RHBDF2: variants seen among roughly 807,000 people sequenced by gnomAD.
RHBDF2 encodes rhomboid 5 homolog 2, also known as inactive rhomboid protein 2.
A neutral mutation model predicts 95.2 loss-of-function variants in RHBDF2; 38 were observed. The observed-to-expected ratio is 0.40, with a 90% CI of 0.31 to 0.52. The LOEUF (loss-of-function observed/expected upper bound fraction) is 0.52. Ranked by LOEUF, RHBDF2 falls within the 20% of genes least tolerant of loss-of-function variation. RHBDF2 has a pLI of 0.56. For missense variants in RHBDF2, 863 were observed against 1,137.7 expected (o/e 0.76, Z 3.47); for synonymous variants, 442 against 462.0 (o/e 0.96, Z 0.55).
chr17:76,479,912 G>T lies in RHBDF2; in HGVS notation c.151-58C>A. 6.3e-7 allele frequency: 1 copy of T among 1,596,368 alleles called. No individual in the cohort carries two copies. Among genetic ancestry groups the T allele is most frequent in the Non-Finnish European group, 8.5e-7 (1 of 1,171,126 alleles). ...TGTGTGCAGCCCAGGTCCTGGGCTG[G>T]CTTTTCTTTAGCCTCCTATTCTGAA... On this transcript the variant is annotated intron_variant, in intron 3 of 18. Transcript: ENST00000675367.
At chr17:76,486,689 G>A (rs148087947) in intron 2 of RHBDF2, among the ~76,000 whole-genome samples, 1,152 of 88,334 alleles carry the variant, frequency 0.013, 41 homozygotes, top group Admixed American at 0.08. Context: ...ACTCCAGCCT[G>A]GGTAACAGAG....
At chr17:76,484,228 A>G (rs2074055290) in intron 2 of RHBDF2, among the ~76,000 whole-genome samples, 1 of 151,990 alleles carries the variant, frequency 6.6e-6, no homozygotes, top group Non-Finnish European at 1.5e-5. Flanking sequence ...GCACCATTGC[A>G]CTCCAGCCTG....
intron 1 of RHBDF2, among the ~76,000 whole-genome samples, chr17:76,500,569 C>G (rs2074553634): frequency 6.6e-6 from 1 of 152,166 alleles, no homozygotes; most frequent in South Asian, 2.1e-4. Flanking sequence ...CAGACACACC[C>G]GCTGCCACCC....
Position 76,497,622 on chromosome 17 carries a change from G to A in RHBDF2, c.-220+3731C>T, listed in dbSNP as rs114311354. ...AACACCATTATCACGATGGCTCCCCGCACTGCTCCTGCCATGGCCGGGCAC... is the reference window on the plus strand; with the variant it reads ...AACACCATTATCACGATGGCTCCCCACACTGCTCCTGCCATGGCCGGGCAC... On this transcript the variant is annotated intron_variant, in intron 1 of 18. Coordinates refer to ENST00000675367, the MANE Select transcript of RHBDF2 (RefSeq NM_001005498.4). Among the ~76,000 whole-genome samples, 546 of 152,252 alleles carry A rather than the reference G, an allele frequency of 3.6e-3. 4 individuals are homozygous for A. Among genetic ancestry groups the A allele is most frequent in the African/African-American group, 0.012 (499 of 41,546 alleles).
chr17:76,484,096 T>G (rs1463747831), intron 2 of RHBDF2, among the ~76,000 whole-genome samples: 1 of 152,056 alleles, frequency 6.6e-6, no homozygotes, highest in Non-Finnish European at 1.5e-5. Context: ...ACCCCGTCTC[T>G]ACTAAAAATA....
intron 1 of RHBDF2, among the ~76,000 whole-genome samples, chr17:76,491,621 G>A (rs1018832212): frequency 7.2e-5 from 11 of 152,344 alleles, no homozygotes; most frequent in Non-Finnish European, 1.5e-4. Flanking sequence ...CTGAGGGAAT[G>A]GGACAAGGTC....
chr17:76,495,023 C>A (rs1363905053), intron 1 of RHBDF2, among the ~76,000 whole-genome samples: 4 of 151,942 alleles, frequency 2.6e-5, no homozygotes, highest in Admixed American at 2.6e-4. Flanking sequence ...GGGTCAGACA[C>A]CAGGACACTG....
intron 2 of RHBDF2, among the ~76,000 whole-genome samples, chr17:76,484,786 G>T (rs2074074411): frequency 6.6e-6 from 1 of 152,114 alleles, no homozygotes; most frequent in South Asian, 2.1e-4. Flanking sequence ...GCCCCTCATT[G>T]TCTCAAACTG....
chr17:76,488,314 A>G (rs1246176191), intron 1 of RHBDF2: 1 of 151,976 alleles, frequency 6.6e-6, no homozygotes, highest in Non-Finnish European at 1.5e-5. Context: ...GGCCTGGCCA[A>G]CATGGTAAAA....
intron 2 of RHBDF2, among the ~76,000 whole-genome samples, chr17:76,486,900 A>G (rs528690165): frequency 1.8e-3 from 268 of 150,366 alleles, no homozygotes; most frequent in African/African-American, 5.7e-3. Context: ...GTTGCAGTTC[A>G]AGTGCCCTCC....
At position 76,473,452 on chromosome 17, in the gene RHBDF2, A is replaced by G. The variant is rs115409505; in HGVS notation, c.1734-125T>C. On this transcript the variant is annotated intron_variant, in intron 15 of 18. Transcript: ENST00000675367. ...CAGGAAGGGGGATGCCGCATCCAGA[A>G]CCTTCGACTCTGGAGCAAGCTTCCT... 2.8e-3 allele frequency: 2,839 copies of G among 1,008,888 alleles called. 54 individuals are homozygous for G. In the African/African-American group the frequency reaches 0.039, roughly 14 times the overall value. The allele number at this position is 1,008,888 out of a possible 1,614,324, so 62.5% of individuals were successfully genotyped here.
At position 76,475,018 on chromosome 17, in the gene RHBDF2, G is replaced by A. The variant is rs750731849; in HGVS notation, c.1227+12C>T. 1 of 1,566,558 alleles carries A rather than the reference G, an allele frequency of 6.4e-7. No homozygotes were observed. Among genetic ancestry groups the A allele is most frequent in the Admixed American group, 1.9e-5 (1 of 52,198 alleles). ...GGCTGGGACCCCCAGCATGGAGCCTGACCCGACTCACCAGCTGGGTGGTGA... is the reference window on the plus strand; with the variant it reads ...GGCTGGGACCCCCAGCATGGAGCCTAACCCGACTCACCAGCTGGGTGGTGA... On this transcript the variant is annotated intron_variant, in intron 10 of 18. Coordinates refer to ENST00000675367, the MANE Select transcript of RHBDF2 (RefSeq NM_001005498.4).
chr17:76,499,923 C>T (rs1281503243), intron 1 of RHBDF2, among the ~76,000 whole-genome samples: 2 of 152,130 alleles, frequency 1.3e-5, no homozygotes, highest in Non-Finnish European at 1.5e-5. Context: ...CAACCTCTCC[C>T]CCACAGCACC....
chr17:76,490,005 T>C (rs981509473), intron 1 of RHBDF2, among the ~76,000 whole-genome samples: 1 of 152,186 alleles, frequency 6.6e-6, no homozygotes, highest in Admixed American at 6.5e-5. Context: ...ATTCCAGCGC[T>C]TTCCAAACCA....
intron 1 of RHBDF2, among the ~76,000 whole-genome samples, chr17:76,489,130 C>T (rs1166699180): frequency 6.6e-6 from 1 of 151,858 alleles, no homozygotes; most frequent in African/African-American, 2.4e-5. Context: ...CGTCTCGAAA[C>T]AAAACAAAAC....
chr17:76,471,556 G>C lies in RHBDF2; in HGVS notation c.*77C>G, dbSNP rs117791176. The C allele has an allele frequency of 9.8e-6, 14 of 1,425,564 alleles. No homozygotes were observed. In the East Asian group the frequency reaches 2.2e-4, roughly 23 times the overall value. The allele number at this position is 1,425,564 out of a possible 1,614,324, so 88.3% of individuals were successfully genotyped here. A position where few individuals can be genotyped will look rare whatever the true frequency, so the allele number is the denominator to read the frequency against. On this transcript the variant is annotated 3_prime_UTR_variant, in exon 19 of 19. Coordinates refer to ENST00000675367, the MANE Select transcript of RHBDF2 (RefSeq NM_001005498.4). ...GGTCTCTGGCTCTCTGGCACACAGA[G>C]AGCGCTCTGCAGAGGGCAGCCCTCG... is the stretch of plus-strand genomic sequence containing the variant.
chr17:76,479,633 CAG>C (rs2073887065), intron 4 of RHBDF2, 98 bp downstream of exon 4: 1 of 908,078 alleles, frequency 1.1e-6, no homozygotes, highest in African/African-American at 1.6e-5. Flanking sequence ...CTCCTCCTTC[CAG>C]AGAGGGGACG....
chr17:76,474,406 G>A lies in RHBDF2; in HGVS notation c.1431C>T (p.Ser477=), dbSNP rs183511381. 5.3e-5 allele frequency: 85 copies of A among 1,613,836 alleles called. No homozygotes were observed. The South Asian group carries it at 5.5e-4, about 10-fold the overall frequency. ...CCTTCCGCTGGGTCTGGATGCATCC[G>A]GAGTGGTCATTCTGGACACAGCAGC... ...DSGCCVQNDH[S]GCIQTQRKDC... is the part of the protein sequence containing the mutation. Residue 477 remains serine, a synonymous_variant, in exon 12 of 19, where the codon TCC becomes TCT. Transcript: ENST00000675367.
intron 1 of RHBDF2, among the ~76,000 whole-genome samples, chr17:76,493,376 A>C (rs956603288): frequency 5.9e-5 from 9 of 152,114 alleles, no homozygotes; most frequent in Non-Finnish European, 1.0e-4. Flanking sequence ...AGCTCATGGC[A>C]CAGCTGTTCT....
Sources: gnomAD v4.1 joint callset for allele counts (sites outside exome capture counted in the v4.1 genomes callset) on GRCh38, gnomAD v4.1.1 for gene constraint, MANE v1.5 for transcripts, NCBI Gene and HGNC (gene_info 2026-07-23, HGNC 2026-07-21) for gene names.